The following NIFK variants were observed in gnomAD, a reference collection of about 807,000 sequenced individuals.
NIFK encodes the protein MKI67 FHA domain-interacting nucleolar phosphoprotein.
A neutral mutation model predicts 31.7 loss-of-function variants in NIFK; 16 were observed. That is an observed-to-expected ratio of 0.50 (90% CI 0.34 to 0.77). The LOEUF (loss-of-function observed/expected upper bound fraction) is 0.77, where lower values mean the gene tolerates loss of function less well. NIFK is among the 30% of genes least tolerant of loss of function. NIFK has a pLI of 0.01. For synonymous variants in NIFK, 126 were observed against 123.0 expected (o/e 1.02, Z -0.16); for missense variants, 341 against 350.4 (o/e 0.97, Z 0.21).
At chr2:121,736,501 G>C (rs894459271) in intron 1 of NIFK, among the ~76,000 whole-genome samples, 1 of 152,188 alleles carries the variant, frequency 6.6e-6, no homozygotes, top group South Asian at 2.1e-4. Context: ...AAGGCTCCAG[G>C]GCCTCAGCGG....
chr2:121,728,647 T>C, intron 4 of NIFK, 111 bp from the exon 5 acceptor site: 2 of 644,746 alleles, frequency 3.1e-6, no homozygotes, highest in Non-Finnish European at 5.2e-6. Context: ...GAGCATTTCA[T>C]TTTAAAAAAT....
chr2:121,728,013 A>T, intron 6 of NIFK, 101 bp from the exon 7 acceptor site: 1 of 1,132,640 alleles, frequency 8.8e-7, no homozygotes, highest in South Asian at 1.7e-5. Context: ...GTTGTGCCCC[A>T]TTATTTTAGC....
Position 121,731,011 on chromosome 2 carries a change from T to C in NIFK, c.446A>G (p.Tyr149Cys), listed in dbSNP as rs766099870. The C allele has an allele frequency of 1.2e-6, 2 of 1,612,716 alleles. No individual in the cohort carries two copies. Among genetic ancestry groups the C allele is most frequent in the Non-Finnish European group, 1.7e-6 (2 of 1,178,718 alleles). The change falls in exon 4 of 7, where the codon TAT becomes TGT. Residue 149 changes from tyrosine to cysteine, a missense_variant. By Grantham distance (194) the Tyr-to-Cys change is radical. Transcript: ENST00000285814. ...KQPSYPSVKR[Y>C]NRNRTLTQKL... ...TTGTGTTAGTGTCCGATTCCGATTA[T>C]ACCGTTTCACTGATGGATATGATGG... is the stretch of plus-strand genomic sequence containing the variant.
intron 2 of NIFK, among the ~76,000 whole-genome samples, chr2:121,733,798 TTAC>T (rs2074560473): frequency 6.6e-6 from 1 of 152,236 alleles, no homozygotes; most frequent in Non-Finnish European, 1.5e-5. Flanking sequence ...TCAGTTATGC[TTAC>T]ATGCATATGT....
rs181687905 is a variant in NIFK at position 121,732,292 on chromosome 2, T to C, written c.244-88A>G. On this transcript the variant is annotated intron_variant, in intron 2 of 6. Coordinates refer to ENST00000285814, the MANE Select transcript of NIFK (RefSeq NM_032390.5). ...TAAAATGCCATTATTTTAAATAATG[T>C]ATATTAGCCCCTTATCAAATATTAC... 5 of 757,260 alleles carry C rather than the reference T, an allele frequency of 6.6e-6. No individual in the cohort carries two copies. In the East Asian group the frequency reaches 1.0e-4, roughly 15 times the overall value. The allele number at this position is 757,260 out of a possible 1,614,324, so 46.9% of individuals were successfully genotyped here. A position where few individuals can be genotyped will look rare whatever the true frequency, so the allele number is the denominator to read the frequency against.
chr2:121,733,735 A>T (rs759990111), intron 2 of NIFK, among the ~76,000 whole-genome samples: 6 of 152,130 alleles, frequency 3.9e-5, no homozygotes, highest in Non-Finnish European at 7.3e-5. Flanking sequence ...TGAAATAGAA[A>T]ATCAGCGCAT....
At chr2:121,736,380 A>G (rs1416884451) in intron 1 of NIFK, among the ~76,000 whole-genome samples, 1 of 152,270 alleles carries the variant, frequency 6.6e-6, no homozygotes, top group East Asian at 1.9e-4. Context: ...GAAACGCGGA[A>G]GCGTGACAGC....
chr2:121,730,659 C>A, intron 4 of NIFK: 1 of 464,586 alleles, frequency 2.2e-6, no homozygotes, highest in Middle Eastern at 6.0e-4. Flanking sequence ...GCCTGGCCAA[C>A]GTGGAGAAAC....
At chr2:121,728,719 G>A (rs1027547133) in intron 4 of NIFK, 183 bp from the exon 5 acceptor site, 1 of 509,102 alleles carries the variant, frequency 2.0e-6, no homozygotes, top group African/African-American at 2.0e-5. Flanking sequence ...AAACCCAGTA[G>A]AGGAATTGAC....
rs367711469 is a variant in NIFK at position 121,732,097 on chromosome 2, C to T, written c.351G>A (p.Glu117=). ...CTGCGGTAAGACAGGAGCACTTACA[C>T]TCCAAGAGTCTTTCACCAAACAGGT... ...NNYLFGERLL[E]CHFMPPEKVH... Residue 117 remains glutamate, a splice_region_variant and synonymous_variant, in exon 3 of 7, where the codon GAG becomes GAA. Transcript: ENST00000285814. 1 of 1,593,216 alleles carries T rather than the reference C, an allele frequency of 6.3e-7. No individual in the cohort carries two copies.
chr2:121,730,905 A>G lies in NIFK; in HGVS notation c.552T>C (p.Asp184=). ...KKLAKKGIDY[D]FPSLILQKTE... ...CACGAATATTTACCAAAGAAGGAAAATCATAGTCAATTCCTTTTTTAGCTA... is the reference window on the plus strand; with the variant it reads ...CACGAATATTTACCAAAGAAGGAAAGTCATAGTCAATTCCTTTTTTAGCTA... The change falls in exon 4 of 7, where the codon GAT becomes GAC. Residue 184 remains aspartate (D), a synonymous_variant. Transcript: ENST00000285814. The G allele has an allele frequency of 1.9e-6, 3 of 1,605,604 alleles. No individual in the cohort carries two copies. Among genetic ancestry groups the G allele is most frequent in the Non-Finnish European group, 2.6e-6 (3 of 1,172,394 alleles).
In NIFK at chr2:121,728,299, C is replaced by G. The variant is rs199972115; in HGVS notation, c.682G>C (p.Val228Leu). ...GAAAACCATTTTACCTGGCTATCCACAGTCTTCTCAGGAGTGTCAAGAGTA... is the reference window on the plus strand; with the variant it reads ...GAAAACCATTTTACCTGGCTATCCAGAGTCTTCTCAGGAGTGTCAAGAGTA... ...SGTLDTPEKT[V>L]DSQGPTPVCT... is the part of the protein sequence containing the mutation. Residue 228 changes from valine (V) to leucine (L), a missense_variant, in exon 6 of 7, where the codon GTG becomes CTG. By Grantham distance (32) the Val-to-Leu change is conservative. Transcript: ENST00000285814. 5.6e-6 allele frequency: 9 copies of G among 1,600,014 alleles called. No individual in the cohort carries two copies. The Admixed American group carries it at 8.6e-5, about 15-fold the overall frequency.
At chr2:121,731,317 C>T (rs1367169273) in intron 3 of NIFK, 2 of 523,806 alleles carry the variant, frequency 3.8e-6, no homozygotes, top group Non-Finnish European at 6.7e-6. Flanking sequence ...GGCCACATGC[C>T]ACCATGGGCA....
chr2:121,734,313 T>C (rs2074564435), intron 2 of NIFK, among the ~76,000 whole-genome samples: 1 of 151,948 alleles, frequency 6.6e-6, no homozygotes, highest in Admixed American at 6.6e-5. Flanking sequence ...ACCTAAGTAA[T>C]GAGCAATGAT....
intron 1 of NIFK, among the ~76,000 whole-genome samples, chr2:121,736,079 G>T (rs920252285): frequency 6.6e-6 from 1 of 152,192 alleles, no homozygotes; most frequent in Non-Finnish European, 1.5e-5. Context: ...AATTTGGTAT[G>T]CATATTACTG....
Position 121,726,993 on chromosome 2 carries a change from A to G in NIFK, c.*731T>C, listed in dbSNP as rs1288562903. On this transcript the variant is annotated 3_prime_UTR_variant, in exon 7 of 7. Transcript: ENST00000285814. ...GTCTGAATTCGTTAATGAAGGGGAA[A>G]ATTTATTATTTTTTTTTCCCAATGA... is the stretch of plus-strand genomic sequence containing the variant. The G allele has an allele frequency of 6.3e-6, 1 of 159,326 alleles. No individual in the cohort carries two copies. The highest frequency in any genetic ancestry group is 1.4e-5 in the Non-Finnish European group (1 of 72,598). 9.9% of individuals were successfully genotyped at this position (159,326 alleles called of 1,614,324 possible). A position where few individuals can be genotyped will look rare whatever the true frequency, so the allele number is the denominator to read the frequency against.
At chr2:121,728,380 T>A in intron 5 of NIFK, 24 bp from the exon 6 acceptor site, 1 of 1,519,968 alleles carries the variant, frequency 6.6e-7, no homozygotes, top group South Asian at 1.1e-5. Context: ...TTAAAACACA[T>A]CAATTTGAAT....
intron 1 of NIFK, among the ~76,000 whole-genome samples, chr2:121,736,303 T>TC (rs2106444340): frequency 6.6e-6 from 1 of 152,316 alleles, no homozygotes; most frequent in South Asian, 2.1e-4. Flanking sequence ...TTTTAATAAC[T>TC]CCCAGATCAC....
At position 121,727,311 on chromosome 2, in the gene NIFK, A is replaced by G. The variant is rs193083826; in HGVS notation, c.*413T>C. On this transcript the variant is annotated 3_prime_UTR_variant, in exon 7 of 7. Coordinates refer to ENST00000285814, the MANE Select transcript of NIFK (RefSeq NM_032390.5). ...ACCATCTGATGTTGAAATCTAAAGC[A>G]CCTCCATGAGTTAAATGTCCCCGAC... The G allele has an allele frequency of 3.5e-4, 147 of 424,890 alleles. 1 individual carries two copies. Among genetic ancestry groups the G allele is most frequent in the African/African-American group, 2.9e-3 (139 of 48,108 alleles). The allele number at this position is 424,890 out of a possible 1,614,324, so 26.3% of individuals were successfully genotyped here.
Sources: allele counts gnomAD v4.1 joint callset (sites outside exome capture counted in the v4.1 genomes callset), GRCh38; gene constraint gnomAD v4.1.1; transcripts MANE v1.5; gene names NCBI Gene and HGNC (gene_info 2026-07-23, HGNC 2026-07-21).